Variants in ZMAT4 observed in about 807,000 individuals in gnomAD.
ZMAT4 encodes the protein zinc finger matrin-type protein 4.
A neutral mutation model predicts 28.7 loss-of-function variants in ZMAT4; 17 were observed. The observed-to-expected ratio is 0.59, with a 90% CI of 0.41 to 0.89. ZMAT4 has a LOEUF of 0.89. Ranked by LOEUF, ZMAT4 falls within the 40% of genes least tolerant of loss-of-function variation. The pLI is 0.00. For synonymous variants in ZMAT4, 117 were observed against 109.2 expected (o/e 1.07, Z -0.44); for missense variants, 240 against 283.8 (o/e 0.85, Z 1.11).
chr8:40,540,088 A>T (rs1457129912), intron 6 of ZMAT4, among the ~76,000 whole-genome samples: 1 of 152,224 alleles, frequency 6.6e-6, no homozygotes, highest in East Asian at 1.9e-4. Context: ...AGTTGAGTGA[A>T]CACATCAGCG....
chr8:40,674,556 C>G, intron 5 of ZMAT4, 148 bp downstream of exon 5: 1 of 622,308 alleles, frequency 1.6e-6, no homozygotes, highest in Non-Finnish European at 2.8e-6. Flanking sequence ...GCCTTCTGCT[C>G]ATTTCCTTTC....
intron 1 of ZMAT4, among the ~76,000 whole-genome samples, chr8:40,888,818 A>T (rs1442689245): frequency 6.6e-6 from 1 of 152,256 alleles, no homozygotes; most frequent in African/African-American, 2.4e-5. Context: ...TGTAAATGGA[A>T]TAGCTGCCAC....
At chr8:40,732,145 T>C (rs559209599) in intron 3 of ZMAT4, among the ~76,000 whole-genome samples, 35 of 152,302 alleles carry the variant, frequency 2.3e-4, no homozygotes, top group African/African-American at 8.2e-4. Flanking sequence ...CAGACAGTGA[T>C]GATGTTTGCA....
chr8:40,735,305 A>C (rs1563445370), intron 3 of ZMAT4, among the ~76,000 whole-genome samples: 1 of 152,264 alleles, frequency 6.6e-6, no homozygotes, highest in South Asian at 2.1e-4. Flanking sequence ...AAGGAATAAA[A>C]GACATGACTT....
chr8:40,571,158 A>G (rs1804084995), intron 6 of ZMAT4, among the ~76,000 whole-genome samples: 1 of 152,120 alleles, frequency 6.6e-6, no homozygotes, highest in Non-Finnish European at 1.5e-5. Context: ...ATTAAGTGTC[A>G]TCGGTAATTC....
chr8:40,690,826 GA>G lies in ZMAT4; in HGVS notation c.349+6418del, dbSNP rs1419465679. 1.0e-5 allele frequency: 9 copies of G among 883,362 alleles called. No individual in the cohort carries two copies. In the South Asian group the frequency reaches 2.1e-4, roughly 20 times the overall value. The allele number at this position is 883,362 out of a possible 1,614,324, so 54.7% of individuals were successfully genotyped here. On this transcript the variant is annotated intron_variant, in intron 4 of 6. Coordinates refer to ENST00000297737, the MANE Select transcript of ZMAT4 (RefSeq NM_024645.3). ...TCTCTAATTTTCAACAGGAAATAAG[GA>G]AAAAAAGAAGAGAACCAATAAGATT...
chr8:40,566,642 G>T (rs1803935447), intron 6 of ZMAT4, among the ~76,000 whole-genome samples: 1 of 152,134 alleles, frequency 6.6e-6, no homozygotes, highest in Non-Finnish European at 1.5e-5. Context: ...TGGTATGGAG[G>T]ATACTGAAAA....
intron 6 of ZMAT4, among the ~76,000 whole-genome samples, chr8:40,539,411 G>C (rs1802954477): frequency 6.6e-6 from 1 of 152,138 alleles, no homozygotes; most frequent in Admixed American, 6.5e-5. Flanking sequence ...AAAACAATTA[G>C]GTGTTGAAAG....
At chr8:40,776,186 G>A (rs373935589) in intron 2 of ZMAT4, among the ~76,000 whole-genome samples, 11 of 152,288 alleles carry the variant, frequency 7.2e-5, no homozygotes, top group Middle Eastern at 3.4e-3. Flanking sequence ...ACAGCAATCC[G>A]TTCAATTTCC....
chr8:40,708,851 G>T (rs965462672), intron 3 of ZMAT4, among the ~76,000 whole-genome samples: 3 of 151,598 alleles, frequency 2.0e-5, no homozygotes, highest in Non-Finnish European at 4.4e-5. Context: ...CTTTCACCAT[G>T]TTGGCCAGGC....
intron 3 of ZMAT4, among the ~76,000 whole-genome samples, chr8:40,712,837 T>G (rs1810684958): frequency 6.6e-6 from 1 of 152,076 alleles, no homozygotes; most frequent in Non-Finnish European, 1.5e-5. Flanking sequence ...TCAAATCACA[T>G]CTCATAATGG....
rs149640015 is a variant in ZMAT4, at chr8:40,880,288, G to A, written c.-5+17395C>T. Among the ~76,000 whole-genome samples the A allele has an allele frequency of 3.4e-3, 511 of 151,194 alleles. 1 individual carries two copies. The highest frequency in any genetic ancestry group is 0.012 in the African/African-American group (485 of 41,144). On this transcript the variant is annotated intron_variant, in intron 1 of 6. Coordinates refer to ENST00000297737, the MANE Select transcript of ZMAT4 (RefSeq NM_024645.3). ...GGAGGCTGAGGCAGGAGAATCACTC[G>A]AACCTGGGAGGCAGAGGTTGCAGTG...
chr8:40,808,562 C>T (rs1283565014), intron 2 of ZMAT4: 1 of 454,872 alleles, frequency 2.2e-6, no homozygotes, highest in Non-Finnish European at 4.4e-6. Context: ...CCCAGAGGAA[C>T]TGCACCACAC....
chr8:40,814,805 T>C (rs1815465751), intron 2 of ZMAT4, among the ~76,000 whole-genome samples: 1 of 151,926 alleles, frequency 6.6e-6, no homozygotes, highest in South Asian at 2.1e-4. Context: ...CTTTTCATAG[T>C]TTTTGAATTG....
chr8:40,677,795 G>T (rs1212403755), intron 4 of ZMAT4, among the ~76,000 whole-genome samples: 1 of 152,178 alleles, frequency 6.6e-6, no homozygotes, highest in Non-Finnish European at 1.5e-5. Context: ...CACTTTAGTT[G>T]ACATGTAGTT....
At chr8:40,577,156 T>C (rs1019335301) in intron 6 of ZMAT4, among the ~76,000 whole-genome samples, 1 of 151,962 alleles carries the variant, frequency 6.6e-6, no homozygotes, top group African/African-American at 2.4e-5. Flanking sequence ...ACTGTGCCAT[T>C]GCACTCCAGC....
intron 6 of ZMAT4, among the ~76,000 whole-genome samples, chr8:40,575,408 G>A (rs1804230798): frequency 6.6e-6 from 1 of 152,034 alleles, no homozygotes; most frequent in Non-Finnish European, 1.5e-5. Context: ...AAGAGAATCA[G>A]TCTCAGAGCC....
chr8:40,623,243 A>G (rs1338314535), intron 5 of ZMAT4, among the ~76,000 whole-genome samples: 1 of 152,212 alleles, frequency 6.6e-6, no homozygotes, highest in Non-Finnish European at 1.5e-5. Context: ...TAACATGGTC[A>G]TCCGAGTTCC....
chr8:40,652,714 A>C (rs1013115730), intron 5 of ZMAT4, among the ~76,000 whole-genome samples: 2 of 104,122 alleles, frequency 1.9e-5, no homozygotes, highest in South Asian at 4.1e-4. Flanking sequence ...CTGGATTAAG[A>C]AAATGTAGCA....
Sources: allele counts gnomAD v4.1 joint callset (sites outside exome capture counted in the v4.1 genomes callset), GRCh38; gene constraint gnomAD v4.1.1; transcripts MANE v1.5; gene names NCBI Gene and HGNC (gene_info 2026-07-23, HGNC 2026-07-21).